The following NRIP1 variants were observed in gnomAD, a reference collection of about 807,000 sequenced individuals.
NRIP1 encodes the protein nuclear receptor-interacting protein 1.
Under a neutral mutation model 75.0 loss-of-function variants are expected in NRIP1, and 28 were observed. The ratio of observed to expected loss-of-function variants is 0.37; its 90% CI spans 0.28 to 0.51. NRIP1 has a LOEUF of 0.51. NRIP1 is among the 20% of genes least tolerant of loss of function. The pLI is 0.92. For synonymous variants in NRIP1, 526 were observed against 487.6 expected, an observed-to-expected ratio of 1.08 and a Z score of -1.04; for missense variants, 1,435 against 1,343.7, an observed-to-expected ratio of 1.07 and a Z score of -1.06.
intron 2 of NRIP1, among the ~76,000 whole-genome samples, chr21:15,042,264 T>G (rs1018098003): frequency 2.6e-5 from 4 of 152,226 alleles, no homozygotes; most frequent in Non-Finnish European, 5.9e-5. Context: ...TTTTATTGCA[T>G]GTATTTATGC....
chr21:14,971,613 A>AAAT (rs1400938205), intron 3 of NRIP1: 1 of 152,194 alleles, frequency 6.6e-6, no homozygotes, highest in Non-Finnish European at 1.5e-5. Flanking sequence ...CTAATAATAA[A>AAAT]AATATCTTCT....
intron 1 of NRIP1, among the ~76,000 whole-genome samples, chr21:15,057,527 G>A (rs1024741702): frequency 1.4e-4 from 21 of 152,148 alleles, no homozygotes; most frequent in African/African-American, 4.8e-4. Flanking sequence ...CAGAATCATC[G>A]ACTGGCAACA....
intron 3 of NRIP1, among the ~76,000 whole-genome samples, chr21:14,999,566 A>T (rs1390627601): frequency 6.6e-6 from 1 of 152,212 alleles, no homozygotes. Context: ...CACTTTTTTA[A>T]AAGCTAGATG....
At chr21:15,062,446 T>C (rs186398251) in intron 1 of NRIP1, among the ~76,000 whole-genome samples, 1 of 152,238 alleles carries the variant, frequency 6.6e-6, no homozygotes, top group African/African-American at 2.4e-5. Flanking sequence ...CTTGAATCTC[T>C]GATAACAACG....
At chr21:14,969,046 C>A (rs879773658) in intron 3 of NRIP1, among the ~76,000 whole-genome samples, 19 of 152,168 alleles carry the variant, frequency 1.2e-4, no homozygotes, top group Admixed American at 1.2e-3. Context: ...CCCCAAACAC[C>A]AGACATTCCA....
intron 3 of NRIP1, among the ~76,000 whole-genome samples, chr21:15,012,412 T>C (rs1216761723): frequency 6.6e-6 from 1 of 151,596 alleles, no homozygotes. Context: ...TATAAATTTT[T>C]AGTTTTCAAA....
intron 1 of NRIP1, among the ~76,000 whole-genome samples, chr21:15,058,256 C>T (rs1358755716): frequency 6.6e-6 from 1 of 152,116 alleles, no homozygotes; most frequent in Non-Finnish European, 1.5e-5. Context: ...AAAAATCAAA[C>T]CTGAGCCTAC....
chr21:14,965,305 T>C lies in NRIP1; in HGVS notation c.2888A>G (p.Lys963Arg), dbSNP rs2086701380. The C allele has an allele frequency of 6.2e-7, 1 of 1,613,872 alleles. No individual in the cohort carries two copies. The highest frequency in any genetic ancestry group is 1.7e-5 in the Admixed American group (1 of 59,974). The change falls in exon 4 of 4, where the codon AAA becomes AGA. Residue 963 changes from lysine to arginine, a missense_variant. Physicochemically the swap from Lys to Arg is conservative, Grantham distance 26 (BLOSUM62 2). Coordinates refer to ENST00000318948, the MANE Select transcript of NRIP1 (RefSeq NM_003489.4). ...RSNSVADSKK[K>R]GHKNNVTNSK... is the part of the protein sequence containing the mutation. ...GTTGGTCACATTATTTTTGTGTCCT[T>C]TCTTTTTACTGTCAGCCACAGAGTT... is the stretch of plus-strand genomic sequence containing the variant.
At chr21:14,983,426 G>C (rs2087301431) in intron 3 of NRIP1, among the ~76,000 whole-genome samples, 1 of 152,188 alleles carries the variant, frequency 6.6e-6, no homozygotes, top group African/African-American at 2.4e-5. Context: ...GAGAGGTGAG[G>C]AAGCGGCAGA....
chr21:15,043,191 T>G (rs902005224), intron 2 of NRIP1, among the ~76,000 whole-genome samples: 1 of 152,226 alleles, frequency 6.6e-6, no homozygotes, highest in Non-Finnish European at 1.5e-5. Context: ...ACTTTATGTA[T>G]CTCATTTTCA....
chr21:15,055,140 C>T (rs961273351), intron 1 of NRIP1, among the ~76,000 whole-genome samples: 1 of 152,136 alleles, frequency 6.6e-6, no homozygotes, highest in Non-Finnish European at 1.5e-5. Flanking sequence ...GCCCCCTCAT[C>T]TTATTTGTTA....
At chr21:14,976,860 T>G (rs1293456992) in intron 3 of NRIP1, among the ~76,000 whole-genome samples, 4 of 152,168 alleles carry the variant, frequency 2.6e-5, no homozygotes, top group Non-Finnish European at 4.4e-5. Flanking sequence ...CACATTTAAA[T>G]GATTAAACAT....
chr21:14,966,954 A>G lies in NRIP1; in HGVS notation c.1239T>C (p.Thr413=), dbSNP rs144297062. Residue 413 remains threonine, a synonymous_variant, in exon 4 of 4, where the codon ACT becomes ACC. Transcript: ENST00000318948. ...SIFEESSTPT[T]IDEYSDNNPS... The stretch of plus-strand genomic sequence containing the variant: ...GATTGTTATCTGAATATTCATCAAT[A>G]GTTGTAGGTGTACTACTTTCCTCAA... 77 of 1,614,184 alleles carry G rather than the reference A, an allele frequency of 4.8e-5. 1 individual carries two copies. The African/African-American group carries it at 7.9e-4, about 16-fold the overall frequency.
chr21:15,044,412 A>G (rs1008868670), intron 1 of NRIP1, among the ~76,000 whole-genome samples: 4 of 151,352 alleles, frequency 2.6e-5, no homozygotes, highest in Non-Finnish European at 4.4e-5. Flanking sequence ...CCAGCAAGAG[A>G]TGTAGCAAAC....
At chr21:15,038,058 T>TA (rs2088874025) in intron 2 of NRIP1, among the ~76,000 whole-genome samples, 1 of 152,112 alleles carries the variant, frequency 6.6e-6, no homozygotes, top group Non-Finnish European at 1.5e-5. Context: ...GACATAGTCA[T>TA]AATTAGGGTT....
At chr21:15,020,596 T>C (rs967693016) in intron 2 of NRIP1, among the ~76,000 whole-genome samples, 1 of 152,134 alleles carries the variant, frequency 6.6e-6, no homozygotes, top group African/African-American at 2.4e-5. Flanking sequence ...TGGAATGTCA[T>C]CAAATTGAAA....
At chr21:14,981,852 A>ATT (rs61171563) in intron 3 of NRIP1, among the ~76,000 whole-genome samples, 22,208 of 131,364 alleles carry the variant, frequency 0.17, 2,119 homozygotes, top group Admixed American at 0.22. Context: ...AGTTCATTTG[A>ATT]TTTTTTTTTT....
At chr21:15,050,768 C>A (rs924921635) in intron 1 of NRIP1, 1 of 455,948 alleles carries the variant, frequency 2.2e-6, no homozygotes, top group Non-Finnish European at 4.4e-6. Flanking sequence ...GGCCAGCCAA[C>A]GCTTAGAGAA....
chr21:14,980,892 A>C (rs1223850018), intron 3 of NRIP1, among the ~76,000 whole-genome samples: 1 of 152,250 alleles, frequency 6.6e-6, no homozygotes, highest in Non-Finnish European at 1.5e-5. Context: ...AAAGTAAAAA[A>C]GAAAAATTAT....
Sources: allele counts gnomAD v4.1 joint callset (sites outside exome capture counted in the v4.1 genomes callset), GRCh38; gene constraint gnomAD v4.1.1; transcripts MANE v1.5; gene names NCBI Gene and HGNC (gene_info 2026-07-23, HGNC 2026-07-21).